The following NRIP2 variants were observed in gnomAD, a reference collection of about 807,000 sequenced individuals.
NRIP2 encodes nuclear receptor-interacting protein 2.
In NRIP2, 27 loss-of-function variants were observed where a neutral mutation model predicts 34.1. The ratio of observed to expected loss-of-function variants is 0.79; its 90% CI spans 0.58 to 1.09. The LOEUF (loss-of-function observed/expected upper bound fraction) is 1.09, where lower values mean the gene tolerates loss of function less well. Among genes scored for constraint, NRIP2 ranks in the 50% least tolerant of loss-of-function variants. NRIP2 has a pLI of 0.00. For missense variants in NRIP2, 385 were observed against 352.6 expected (o/e 1.09, Z -0.74); for synonymous variants, 145 against 146.9 (o/e 0.99, Z 0.09).
chr12:2,830,722 G>A lies in NRIP2; in HGVS notation c.481C>T (p.Leu161=), dbSNP rs759417206. 3 of 1,612,338 alleles carry A rather than the reference G, an allele frequency of 1.9e-6. No homozygotes were observed. Among genetic ancestry groups the A allele is most frequent in the South Asian group, 1.1e-5 (1 of 90,782 alleles). ...AGGCCTCTCACCTTGCAGTTGACCA[G>A]AAGAGCTGGAATCTCTGTCCTGCTG... ...KTSRTEIPAL[L]VNCKCQDQLL... Residue 161 remains leucine (L), a synonymous_variant, in exon 2 of 6, where the codon CTG becomes TTG. Transcript: ENST00000337508.
intron 2 of NRIP2, among the ~76,000 whole-genome samples, chr12:2,829,648 T>C (rs2097989928): frequency 6.6e-6 from 1 of 151,990 alleles, no homozygotes. Context: ...ACACTTGTAA[T>C]TTTAGCTACT....
intron 1 of NRIP2, among the ~76,000 whole-genome samples, chr12:2,834,145 C>T (rs969865942): frequency 6.6e-6 from 1 of 152,198 alleles, no homozygotes; most frequent in Non-Finnish European, 1.5e-5. Flanking sequence ...CAGGGGCCCC[C>T]GGCAAGAGCC....
intron 2 of NRIP2, among the ~76,000 whole-genome samples, chr12:2,829,444 T>C (rs760523451): frequency 1.3e-5 from 2 of 152,186 alleles, no homozygotes; most frequent in Non-Finnish European, 2.9e-5. Flanking sequence ...AATATAACTC[T>C]ACTATATGGC....
Position 2,826,978 on chromosome 12 carries a change from C to CT in NRIP2, c.*228dup. 7.4e-7 allele frequency: 1 copy of CT among 1,357,532 alleles called. No individual in the cohort carries two copies. Among genetic ancestry groups the CT allele is most frequent in the East Asian group, 3.1e-5 (1 of 32,778 alleles). 84.1% of individuals were successfully genotyped at this position (1,357,532 alleles called of 1,614,324 possible). Reference sequence around the variant, plus strand: ...CTTGGGAGGAAGATGAATCAGAATCCTGGCATCGTGGGCCCTCTAGTGAAA... The same window carrying CT: ...CTTGGGAGGAAGATGAATCAGAATCCTTGGCATCGTGGGCCCTCTAGTGAAA... On this transcript the variant is annotated 3_prime_UTR_variant, in exon 6 of 6. Coordinates refer to ENST00000337508, the MANE Select transcript of NRIP2 (RefSeq NM_031474.3).
rs1435185534 is a variant in NRIP2 at position 2,826,177 on chromosome 12, C to G, written c.*1030G>C. On this transcript the variant is annotated 3_prime_UTR_variant, in exon 6 of 6. Coordinates refer to ENST00000337508, the MANE Select transcript of NRIP2 (RefSeq NM_031474.3). ...CTCTTCACAGTGAATTCAAAAAAGCCTCTGTCTCCTGACAGACCCCAAACT... is the reference window on the plus strand; with the variant it reads ...CTCTTCACAGTGAATTCAAAAAAGCGTCTGTCTCCTGACAGACCCCAAACT... 6.6e-6 allele frequency: 1 copy of G among 151,550 alleles called. No individual in the cohort carries two copies. The highest frequency in any genetic ancestry group is 2.4e-5 in the African/African-American group (1 of 41,164). The allele number at this position is 151,550 out of a possible 1,614,324, so 9.4% of individuals were successfully genotyped here.
In NRIP2 at chr12:2,830,835, C is replaced by G. The variant is rs1456072196; in HGVS notation, c.368G>C (p.Arg123Pro). ...DLQPRSVIQR[R>P]LVEGNPNWLQ... ...CCAATTCGGGTTTCCCTCCACCAGGCGTCTTTGGATCACACTGCGCGGCTG... is the reference window on the plus strand; with the variant it reads ...CCAATTCGGGTTTCCCTCCACCAGGGGTCTTTGGATCACACTGCGCGGCTG... Residue 123 changes from arginine (R) to proline (P), a missense_variant, in exon 2 of 6, where the codon CGC (arginine) becomes CCC (proline). Coordinates refer to ENST00000337508, the MANE Select transcript of NRIP2 (RefSeq NM_031474.3). The G allele has an allele frequency of 6.2e-7, 1 of 1,613,524 alleles. No individual in the cohort carries two copies. Among genetic ancestry groups the G allele is most frequent in the Non-Finnish European group, 8.5e-7 (1 of 1,179,776 alleles).
chr12:2,830,896 C>T (rs74721358), intron 1 of NRIP2, 36 bp from the exon 2 acceptor site: 1 of 1,600,230 alleles, frequency 6.2e-7, no homozygotes, highest in Non-Finnish European at 8.5e-7. Context: ...GTAGGCAGTT[C>T]TAAACCCAGG....
At chr12:2,830,251 G>T (rs1443496253) in intron 2 of NRIP2, 1 of 152,884 alleles carries the variant, frequency 6.5e-6, no homozygotes, top group African/African-American at 2.4e-5. Flanking sequence ...AGCAAGAAGA[G>T]CAATCCACAT....
In NRIP2 at chr12:2,827,136, A is replaced by G; in HGVS notation, c.*71T>C. ...TAGTCCCCAGCTACCTGGCTTCAAG[A>G]GCCCCCGTTCCCCACACGCCTCTTC... On this transcript the variant is annotated 3_prime_UTR_variant, in exon 6 of 6. Coordinates refer to ENST00000337508, the MANE Select transcript of NRIP2 (RefSeq NM_031474.3). This position sits in a 1 kb window ranked among gnomAD's most constrained non-coding sequence, Gnocchi z 4.0. The G allele has an allele frequency of 6.2e-7, 1 of 1,604,992 alleles. No individual in the cohort carries two copies. Among genetic ancestry groups the G allele is most frequent in the African/African-American group, 1.3e-5 (1 of 74,682 alleles).
chr12:2,834,534 G>A, intron 1 of NRIP2, 108 bp downstream of exon 1: 1 of 1,442,340 alleles, frequency 6.9e-7, no homozygotes, highest in East Asian at 2.4e-5. Flanking sequence ...AAGGGAGCGG[G>A]ACCTGAAAGC....
In NRIP2 at chr12:2,826,958, G is replaced by A; in HGVS notation, c.*249C>T. ...CTTGATTTGGCTTTGCTTTTCTTGG[G>A]AGGAAGATGAATCAGAATCCTGGCA... On this transcript the variant is annotated 3_prime_UTR_variant, in exon 6 of 6. Coordinates refer to ENST00000337508, the MANE Select transcript of NRIP2 (RefSeq NM_031474.3). 1.5e-6 allele frequency: 2 copies of A among 1,325,636 alleles called. No homozygotes were observed. The highest frequency in any genetic ancestry group is 3.5e-5 in the South Asian group (2 of 57,238). The allele number at this position is 1,325,636 out of a possible 1,614,324, so 82.1% of individuals were successfully genotyped here. A position where few individuals can be genotyped will look rare whatever the true frequency, so the allele number is the denominator to read the frequency against.
chr12:2,830,545 C>T, intron 2 of NRIP2, 163 bp downstream of exon 2: 1 of 650,384 alleles, frequency 1.5e-6, no homozygotes, highest in South Asian at 2.3e-5. Context: ...TGGCTTGGGG[C>T]AGGGAGGAAG....
chr12:2,827,056 G>A lies in NRIP2; in HGVS notation c.*151C>T. The A allele has an allele frequency of 6.8e-7, 1 of 1,478,118 alleles. No individual in the cohort carries two copies. Among genetic ancestry groups the A allele is most frequent in the Non-Finnish European group, 8.9e-7 (1 of 1,123,028 alleles). The allele number at this position is 1,478,118 out of a possible 1,614,324, so 91.6% of individuals were successfully genotyped here. A position where few individuals can be genotyped will look rare whatever the true frequency, so the allele number is the denominator to read the frequency against. Reference sequence around the variant, plus strand: ...TGAGAAGCAGAGAGGAATGCGGCCAGCTGGGGAAAATGGGACAGCAGGGGT... The same window carrying A: ...TGAGAAGCAGAGAGGAATGCGGCCAACTGGGGAAAATGGGACAGCAGGGGT... On this transcript the variant is annotated 3_prime_UTR_variant, in exon 6 of 6. Coordinates refer to ENST00000337508, the MANE Select transcript of NRIP2 (RefSeq NM_031474.3). The surrounding 1 kb of genome is among the most constrained non-coding windows in gnomAD (Gnocchi z 4.0).
At chr12:2,830,950 T>TCCCCCCCCCCCCCCCC (rs544510879) in intron 1 of NRIP2, 90 bp from the exon 2 acceptor site, 1 of 1,383,864 alleles carries the variant, frequency 7.2e-7, no homozygotes, top group African/African-American at 1.5e-5. Flanking sequence ...CCCAGGATGC[T>TCCCCCCCCCCCCCCCC]CCCCCCACCC....
At position 2,827,505 on chromosome 12, in the gene NRIP2, G is replaced by T; in HGVS notation, c.753+120C>A. On this transcript the variant is annotated intron_variant, in intron 5 of 5. Coordinates refer to ENST00000337508, the MANE Select transcript of NRIP2 (RefSeq NM_031474.3). The surrounding 1 kb of genome is among the most constrained non-coding windows in gnomAD (Gnocchi z 4.0). ...TGGTAAGTAAGGAACCTCTAAGGAA[G>T]CAAAGGGACAGTTGCCCATCTCTAA... The T allele has an allele frequency of 6.4e-7, 1 of 1,564,242 alleles. No individual in the cohort carries two copies. Among genetic ancestry groups the T allele is most frequent in the African/African-American group, 1.4e-5 (1 of 72,862 alleles).
intron 1 of NRIP2, among the ~76,000 whole-genome samples, chr12:2,832,448 C>G (rs2098008181): frequency 6.6e-6 from 1 of 151,998 alleles, no homozygotes; most frequent in African/African-American, 2.4e-5. Context: ...ACTCCTCTTC[C>G]TCACTCTTCT....
In NRIP2 at chr12:2,834,858, G is replaced by C. The variant is rs35645225; in HGVS notation, c.126C>G (p.Pro42=). 0.053 allele frequency: 85,816 copies of C among 1,613,598 alleles called. 4,026 individuals are homozygous for C. The highest frequency in any genetic ancestry group is 0.29 in the East Asian group (13,200 of 44,784). The change falls in exon 1 of 6, where the codon CCC becomes CCG. Residue 42 remains proline, a synonymous_variant. Transcript: ENST00000337508. ...EDSVTPPPSS[P]WPTPPAGAMS... ...TGGCCCCTGCTGGAGGAGTGGGCCA[G>C]GGGCTGCTCGGTGGGGGCGTCACCG...
rs142080096 is a variant in NRIP2, at chr12:2,825,380, C to T, written c.*1827G>A. 6.6e-6 allele frequency: 1 copy of T among 152,376 alleles called. No homozygotes were observed. The highest frequency in any genetic ancestry group is 2.4e-5 in the African/African-American group (1 of 41,466). 9.4% of individuals were successfully genotyped at this position (152,376 alleles called of 1,614,324 possible). ...ACAAGAGTTTATTCCAATGGAGAAG[C>T]AGCTGAGCCGAGGGCTTGCCATTGG... On this transcript the variant is annotated 3_prime_UTR_variant, in exon 6 of 6. Transcript: ENST00000337508.
chr12:2,826,965 A>T lies in NRIP2; in HGVS notation c.*242T>A, dbSNP rs187352921. The stretch of plus-strand genomic sequence containing the variant: ...TGGCTTTGCTTTTCTTGGGAGGAAG[A>T]TGAATCAGAATCCTGGCATCGTGGG... On this transcript the variant is annotated 3_prime_UTR_variant, in exon 6 of 6. Transcript: ENST00000337508. The T allele has an allele frequency of 7.5e-5, 101 of 1,338,450 alleles. No homozygotes were observed. Among genetic ancestry groups the T allele is most frequent in the Non-Finnish European group, 9.1e-5 (95 of 1,046,698 alleles). 82.9% of individuals were successfully genotyped at this position (1,338,450 alleles called of 1,614,324 possible).
Sources: gnomAD v4.1 joint callset for allele counts (sites outside exome capture counted in the v4.1 genomes callset) on GRCh38, gnomAD v4.1.1 for gene constraint, Gnocchi (gnomAD v3.1) non-coding constraint, MANE v1.5 for transcripts, NCBI Gene and HGNC (gene_info 2026-07-23, HGNC 2026-07-21) for gene names.